The following INTS6L variants were observed in gnomAD, a reference collection of about 807,000 sequenced individuals.
INTS6L encodes integrator complex subunit 6 like.
In INTS6L, 18 loss-of-function variants were observed where a neutral mutation model predicts 64.7. The observed-to-expected ratio is 0.28, with a 90% confidence interval of 0.19 to 0.41. The LOEUF (loss-of-function observed/expected upper bound fraction) is 0.41, where lower values mean the gene tolerates loss of function less well. Ranked by LOEUF, INTS6L falls within the 10% of genes least tolerant of loss-of-function variation. INTS6L has a pLI of 1.00. For synonymous variants in INTS6L, 227 were observed against 235.9 expected (o/e 0.96, Z 0.34); for missense variants, 533 against 661.0 (o/e 0.81, Z 2.12).
intron 11 of INTS6L, chrX:135,571,918 T>C (rs782408931): frequency 4.5e-5 from 5 of 111,839 alleles, no homozygotes; most frequent in Non-Finnish European, 7.5e-5. Flanking sequence ...TCATATTTCA[T>C]GACTTAAGAA....
Position 135,570,915 on chromosome X carries a change from G to A in INTS6L, c.1398+369G>A, listed in dbSNP as rs782494713. The stretch of plus-strand genomic sequence containing the variant: ...CCTCCTGTTTAGATCAGCACACTGA[G>A]GCGTGGTGTGATTAAATGACTTGTC... On this transcript the variant is annotated intron_variant, in intron 11 of 17. Transcript: ENST00000639893. 9 of 133,342 alleles carry A rather than the reference G, an allele frequency of 6.7e-5. No individual in the cohort carries two copies. In the South Asian group the frequency reaches 2.3e-3, roughly 34 times the overall value. The allele number at this position is 133,342 out of a possible 1,213,427, so 11.0% of individuals were successfully genotyped here. A position where few individuals can be genotyped will look rare whatever the true frequency, so the allele number is the denominator to read the frequency against.
chrX:135,581,004 C>T (rs1488634572), intron 16 of INTS6L, 46 bp from the exon 17 acceptor site: 13 of 895,960 alleles, frequency 1.5e-5, no homozygotes, highest in African/African-American at 4.1e-5. Flanking sequence ...ATTTTATTTC[C>T]CATTCATCTT....
chrX:135,523,111 G>A lies in INTS6L; in HGVS notation c.189+1793G>A. ...TAAAGGAACAACTTATTGGCCGGGT[G>A]CGGTGGCTCAGGCCTGTAATCCTAG... On this transcript the variant is annotated intron_variant, in intron 2 of 17. Coordinates refer to ENST00000639893, the MANE Select transcript of INTS6L (RefSeq NM_001351601.3). Among the ~76,000 whole-genome samples, 3 of 111,775 alleles carry A rather than the reference G, an allele frequency of 2.7e-5. 1 individual carries two copies. In the Middle Eastern group the frequency reaches 0.014, roughly 510 times the overall value.
At chrX:135,533,238 C>T (rs906957921) in intron 2 of INTS6L, among the ~76,000 whole-genome samples, 1 of 111,909 alleles carries the variant, frequency 8.9e-6, no homozygotes, top group Non-Finnish European at 1.9e-5. Flanking sequence ...AATTTAATAA[C>T]GTTCATGACA....
chrX:135,570,738 T>A, intron 11 of INTS6L, 192 bp downstream of exon 11: 1 of 456,177 alleles, frequency 2.2e-6, no homozygotes, highest in Non-Finnish European at 3.4e-6. Context: ...TCAGTATCAT[T>A]TGATGCTGTG....
Position 135,520,967 on chromosome X carries a change from G to A in INTS6L, c.-26G>A. 1 of 1,197,829 alleles carries A rather than the reference G, an allele frequency of 8.3e-7. No individual in the cohort carries two copies. Among genetic ancestry groups the A allele is most frequent in the East Asian group, 3.0e-5 (1 of 33,768 alleles). On this transcript the variant is annotated 5_prime_UTR_variant, in exon 1 of 18. Coordinates refer to ENST00000639893, the MANE Select transcript of INTS6L (RefSeq NM_001351601.3). ...AGGGCAAGAGGGCCGGGAGAGTGGGGAGCGGAGGCAGGAGTGCGGGGGAAG... is the reference window on the plus strand; with the variant it reads ...AGGGCAAGAGGGCCGGGAGAGTGGGAAGCGGAGGCAGGAGTGCGGGGGAAG...
chrX:135,531,762 G>A (rs1556505495), intron 2 of INTS6L, among the ~76,000 whole-genome samples: 2 of 111,361 alleles, frequency 1.8e-5, no homozygotes, highest in Non-Finnish European at 3.8e-5. Flanking sequence ...TCCACGTGTC[G>A]GTAAAAACTT....
At position 135,521,380 on chromosome X, in the gene INTS6L, AC is replaced by A. The variant is rs1315429868; in HGVS notation, c.189+68del. 11 of 1,087,255 alleles carry A rather than the reference AC, an allele frequency of 1.0e-5. No individual in the cohort carries two copies. In the East Asian group the frequency reaches 1.7e-4, roughly 16 times the overall value. 89.6% of individuals were successfully genotyped at this position (1,087,255 alleles called of 1,213,427 possible). A position where few individuals can be genotyped will look rare whatever the true frequency, so the allele number is the denominator to read the frequency against. ...GGGAGCAAGTCGGCGGGGGCTGCTT[AC>A]CCCCCTGCCCCCGCCTAAGGCGGTC... On this transcript the variant is annotated intron_variant, in intron 2 of 17. Transcript: ENST00000639893.
At chrX:135,523,258 C>G in intron 2 of INTS6L, among the ~76,000 whole-genome samples, 1 of 109,341 alleles carries the variant, frequency 9.1e-6, no homozygotes, top group Non-Finnish European at 1.9e-5. Flanking sequence ...AAAAAACGGC[C>G]GGATGTGGTG....
At chrX:135,527,446 A>G (rs782388123) in intron 2 of INTS6L, among the ~76,000 whole-genome samples, 4 of 112,138 alleles carry the variant, frequency 3.6e-5, no homozygotes, top group Non-Finnish European at 7.5e-5. Flanking sequence ...AGTCACTGGA[A>G]AAAGCTGACT....
chrX:135,558,212 T>A (rs2086691034), intron 9 of INTS6L, among the ~76,000 whole-genome samples: 1 of 111,860 alleles, frequency 8.9e-6, no homozygotes, highest in Non-Finnish European at 1.9e-5. Context: ...GAATGTAAAA[T>A]GGTGTAACCA....
At chrX:135,549,871 C>G in intron 7 of INTS6L, 66 bp downstream of exon 7, 4 of 1,144,368 alleles carry the variant, frequency 3.5e-6, no homozygotes, top group Non-Finnish European at 3.6e-6. Context: ...TACAGTGAAC[C>G]TTTTAAAATA....
intron 9 of INTS6L, among the ~76,000 whole-genome samples, chrX:135,568,036 T>G (rs1456355638): frequency 9.0e-6 from 1 of 111,589 alleles, no homozygotes; most frequent in African/African-American, 3.3e-5. Context: ...TCAAAACTAC[T>G]AAAACCTTAA....
chrX:135,549,167 T>G (rs1025769771), intron 6 of INTS6L, among the ~76,000 whole-genome samples: 6 of 112,474 alleles, frequency 5.3e-5, no homozygotes, highest in Non-Finnish European at 1.1e-4. Context: ...AAAGAACACT[T>G]TTTTCTTGTA....
At chrX:135,580,669 T>G (rs1556533959) in intron 16 of INTS6L, among the ~76,000 whole-genome samples, 1 of 112,703 alleles carries the variant, frequency 8.9e-6, no homozygotes, top group African/African-American at 3.2e-5. Flanking sequence ...ACCTTAACTC[T>G]ACTGTTTCAT....
At chrX:135,531,299 G>A (rs1475665540) in intron 2 of INTS6L, among the ~76,000 whole-genome samples, 1 of 111,157 alleles carries the variant, frequency 9.0e-6, no homozygotes, top group Non-Finnish European at 1.9e-5. Flanking sequence ...TTTCCCTTGG[G>A]GAGTGTATCC....
chrX:135,564,757 A>G (rs2086892639), intron 9 of INTS6L, among the ~76,000 whole-genome samples: 1 of 109,617 alleles, frequency 9.1e-6, no homozygotes, highest in South Asian at 3.9e-4. Context: ...TAATTTTGAG[A>G]TCTTCCTGGT....
intron 8 of INTS6L, among the ~76,000 whole-genome samples, chrX:135,553,732 T>C: frequency 9.0e-6 from 1 of 111,645 alleles, no homozygotes; most frequent in Middle Eastern, 4.6e-3. Context: ...AATGTAGAGA[T>C]ATGGATAATA....
At chrX:135,539,676 T>A (rs1280723155) in intron 2 of INTS6L, among the ~76,000 whole-genome samples, 2 of 112,221 alleles carry the variant, frequency 1.8e-5, no homozygotes, top group African/African-American at 6.5e-5. Flanking sequence ...CATTTCTAGC[T>A]TTTGATTTAA....
Sources: allele counts gnomAD v4.1 joint callset (sites outside exome capture counted in the v4.1 genomes callset), GRCh38; gene constraint gnomAD v4.1.1; transcripts MANE v1.5; gene names NCBI Gene and HGNC (gene_info 2026-07-23, HGNC 2026-07-21).